The following NKAIN3 variants were observed in gnomAD, a reference collection of about 807,000 sequenced individuals.
NKAIN3 encodes the protein sodium/potassium transporting ATPase interacting 3.
Under a neutral mutation model 30.2 loss-of-function variants are expected in NKAIN3, and 25 were observed. The observed-to-expected ratio is 0.83, with a 90% confidence interval of 0.60 to 1.16. NKAIN3 has a LOEUF of 1.16. NKAIN3 is among the 50% of genes most tolerant of loss of function. The pLI is 0.00. For synonymous variants in NKAIN3, 91 were observed against 89.6 expected, an observed-to-expected ratio of 1.02 and a Z score of -0.09; for missense variants, 225 against 254.1, an observed-to-expected ratio of 0.89 and a Z score of 0.78.
At chr8:62,697,626 A>G (rs1442952074) in intron 3 of NKAIN3, among the ~76,000 whole-genome samples, 4 of 152,286 alleles carry the variant, frequency 2.6e-5, no homozygotes, top group South Asian at 2.1e-4. Flanking sequence ...CCCAACTTCT[A>G]GAACATATGC....
At chr8:62,868,642 C>G (rs1820498627) in intron 4 of NKAIN3, among the ~76,000 whole-genome samples, 1 of 152,202 alleles carries the variant, frequency 6.6e-6, no homozygotes, top group Admixed American at 6.5e-5. Flanking sequence ...CATTTTCATG[C>G]ATGTGAATGC....
At chr8:62,717,231 T>C (rs1049921974) in intron 3 of NKAIN3, among the ~76,000 whole-genome samples, 5 of 152,238 alleles carry the variant, frequency 3.3e-5, no homozygotes, top group Admixed American at 2.6e-4. Flanking sequence ...CAGTTATTTA[T>C]AGAAAGAATA....
intron 1 of NKAIN3, among the ~76,000 whole-genome samples, chr8:62,382,260 A>G (rs146167109): frequency 2.1e-4 from 32 of 152,288 alleles, no homozygotes; most frequent in Middle Eastern, 3.4e-3. Context: ...TTATTAAGAA[A>G]ATCATAAAGA....
At chr8:62,406,893 A>T (rs1434742114) in intron 1 of NKAIN3, among the ~76,000 whole-genome samples, 1 of 152,204 alleles carries the variant, frequency 6.6e-6, no homozygotes, top group East Asian at 1.9e-4. Context: ...AAAAATATTC[A>T]TTTAGAATAA....
chr8:62,291,946 A>G (rs1813652530), intron 1 of NKAIN3, among the ~76,000 whole-genome samples: 1 of 152,112 alleles, frequency 6.6e-6, no homozygotes, highest in Non-Finnish European at 1.5e-5. Flanking sequence ...TATATTTAGG[A>G]TAGTTATCTC....
At chr8:62,325,370 TC>T (rs1356438668) in intron 1 of NKAIN3, among the ~76,000 whole-genome samples, 8 of 152,146 alleles carry the variant, frequency 5.3e-5, no homozygotes, top group Admixed American at 1.3e-4. Context: ...TTTTCTTTAA[TC>T]ATTCATTGGT....
intron 4 of NKAIN3, among the ~76,000 whole-genome samples, chr8:62,792,850 T>A (rs1389715357): frequency 6.6e-6 from 1 of 151,870 alleles, no homozygotes; most frequent in Non-Finnish European, 1.5e-5. Flanking sequence ...TACATTCAGG[T>A]GAGTGAAATG....
chr8:62,474,613 G>A (rs186413312), intron 1 of NKAIN3, among the ~76,000 whole-genome samples: 1 of 152,264 alleles, frequency 6.6e-6, no homozygotes. Context: ...AACCTTTTAA[G>A]TGCTAAAACA....
intron 1 of NKAIN3, among the ~76,000 whole-genome samples, chr8:62,492,539 T>G (rs533471233): frequency 6.6e-6 from 1 of 152,170 alleles, no homozygotes; most frequent in East Asian, 1.9e-4. Context: ...GGTACCCAAC[T>G]CTGTCTGCAA....
At chr8:62,288,963 G>C (rs897510048) in intron 1 of NKAIN3, among the ~76,000 whole-genome samples, 10 of 152,146 alleles carry the variant, frequency 6.6e-5, no homozygotes, top group Non-Finnish European at 1.3e-4. Context: ...ATCACATTGT[G>C]GTTTTGATTT....
At chr8:62,988,289 C>T (rs1477572220), downstream of NKAIN3, among the ~76,000 whole-genome samples, 1 of 152,224 alleles carries the variant, frequency 6.6e-6, no homozygotes, top group African/African-American at 2.4e-5. Flanking sequence ...TGGTGACCCT[C>T]TTCTTGAAGC....
At chr8:62,256,086 G>A (rs141656766) in intron 1 of NKAIN3, among the ~76,000 whole-genome samples, 6 of 152,182 alleles carry the variant, frequency 3.9e-5, no homozygotes, top group African/African-American at 9.6e-5. Context: ...CGAGTTAGCT[G>A]AGTTGCCACT....
At chr8:62,523,411 A>C (rs1808214459) in intron 1 of NKAIN3, among the ~76,000 whole-genome samples, 1 of 152,190 alleles carries the variant, frequency 6.6e-6, no homozygotes, top group Admixed American at 6.6e-5. Flanking sequence ...ACCTTGGGCC[A>C]TAATAACACA....
intron 4 of NKAIN3, among the ~76,000 whole-genome samples, chr8:62,756,364 A>G (rs1816451794): frequency 6.6e-6 from 1 of 152,150 alleles, no homozygotes; most frequent in Non-Finnish European, 1.5e-5. Context: ...CACTTAGCAC[A>G]TATTTTTAAG....
intron 1 of NKAIN3, among the ~76,000 whole-genome samples, chr8:62,446,124 G>C (rs1805478547): frequency 6.6e-6 from 1 of 152,052 alleles, no homozygotes; most frequent in African/African-American, 2.4e-5. Flanking sequence ...GCCAATTTTA[G>C]GATTCAACCT....
chr8:62,388,224 C>T (rs1817486192), intron 1 of NKAIN3, among the ~76,000 whole-genome samples: 1 of 152,126 alleles, frequency 6.6e-6, no homozygotes, highest in Admixed American at 6.5e-5. Flanking sequence ...ATCTGAAAGG[C>T]CTTAGTTTTT....
chr8:62,924,609 C>G (rs566134804), intron 5 of NKAIN3, among the ~76,000 whole-genome samples: 110 of 152,288 alleles, frequency 7.2e-4, no homozygotes, highest in African/African-American at 2.5e-3. Flanking sequence ...AAAGCTTGGG[C>G]ATATTCCTTG....
At chr8:62,535,319 G>A (rs1808623262) in intron 1 of NKAIN3, among the ~76,000 whole-genome samples, 1 of 152,138 alleles carries the variant, frequency 6.6e-6, no homozygotes, top group Admixed American at 6.5e-5. Flanking sequence ...GACCATATGT[G>A]TGGGGTGTTT....
chr8:62,816,200 G>A (rs747857251), intron 4 of NKAIN3, among the ~76,000 whole-genome samples: 3 of 152,172 alleles, frequency 2.0e-5, no homozygotes, highest in Non-Finnish European at 1.5e-5. Flanking sequence ...TTTTCCTGTA[G>A]ATGTGTCCTA....
Sources: gnomAD v4.1 joint callset for allele counts (sites outside exome capture counted in the v4.1 genomes callset) on GRCh38, gnomAD v4.1.1 for gene constraint, MANE v1.5 for transcripts, NCBI Gene and HGNC (gene_info 2026-07-23, HGNC 2026-07-21) for gene names.